KIF1A: variants seen among roughly 807,000 people sequenced by gnomAD.
The protein encoded by KIF1A is kinesin-like protein KIF1A.
In KIF1A, 46 loss-of-function variants were observed where a neutral mutation model predicts 227.3. The observed-to-expected ratio is 0.20, with a 90% CI of 0.16 to 0.26. The LOEUF is 0.26. Among genes scored for constraint, KIF1A ranks in the 10% least tolerant of loss-of-function variants. The probability of loss-of-function intolerance (pLI) is 1.00; values close to 1 mark genes in which losing one functional copy is unlikely to be tolerated. For missense variants in KIF1A, 1,683 were observed against 2,485.9 expected, an observed-to-expected ratio of 0.68 and a Z score of 6.87; for synonymous variants, 1,022 against 1,012.8, an observed-to-expected ratio of 1.01 and a Z score of -0.17.
Position 240,726,812 on chromosome 2 carries a change from C to A in KIF1A, c.4122+14G>T. The A allele has an allele frequency of 6.5e-7, 1 of 1,540,864 alleles. No individual in the cohort carries two copies. Among genetic ancestry groups the A allele is most frequent in the East Asian group, 2.3e-5 (1 of 44,208 alleles). On this transcript the variant is annotated intron_variant, in intron 39 of 48. Coordinates refer to ENST00000498729, the MANE Select transcript of KIF1A (RefSeq NM_001244008.2). This position sits in a 1 kb window ranked among gnomAD's most constrained non-coding sequence, Gnocchi z 5.2. The stretch of plus-strand genomic sequence containing the variant: ...GAGTGGTTTTGGTGGAGTGCCCTGG[C>A]ATAGGTGCCTTGCCTCGATATAAGC...
At chr2:240,774,391 A>ACCCCCCCCC (rs570956380) in intron 11 of KIF1A, 130 bp from the exon 12 acceptor site, 12 of 253,670 alleles carry the variant, frequency 4.7e-5, no homozygotes, top group African/African-American at 1.2e-4. Flanking sequence ...TCACAGGCTT[A>ACCCCCCCCC]CCCCCCCCCC....
intron 20 of KIF1A, among the ~76,000 whole-genome samples, chr2:240,763,603 C>T (rs2050795978): frequency 6.6e-6 from 1 of 152,228 alleles, no homozygotes; most frequent in South Asian, 2.1e-4. Flanking sequence ...TGCTGTGCTC[C>T]AGTGTCCCCG....
At chr2:240,743,771 T>G (rs1016665176) in intron 33 of KIF1A, among the ~76,000 whole-genome samples, 171 bp downstream of exon 33, 3 of 152,166 alleles carry the variant, frequency 2.0e-5, no homozygotes, top group Non-Finnish European at 4.4e-5. Flanking sequence ...CCCAGAGCTC[T>G]TAATTGCTCT....
intron 28 of KIF1A, among the ~76,000 whole-genome samples, chr2:240,750,061 T>C (rs1490403176): frequency 2.0e-5 from 3 of 152,170 alleles, no homozygotes; most frequent in African/African-American, 7.2e-5. Flanking sequence ...CTTGGGTCCA[T>C]ATGGGACTGC....
chr2:240,810,779 G>A (rs867703413), intron 1 of KIF1A, among the ~76,000 whole-genome samples: 1 of 152,194 alleles, frequency 6.6e-6, no homozygotes, highest in African/African-American at 2.4e-5. Context: ...ATGGTGCTGG[G>A]CGTGGAGGGG....
chr2:240,728,523 G>A (rs895298552), intron 38 of KIF1A: 3 of 652,566 alleles, frequency 4.6e-6, no homozygotes, highest in Non-Finnish European at 5.0e-6. Flanking sequence ...TTCGGCAGGT[G>A]CACGCCGGAT....
rs1301482451 is a variant in KIF1A, at chr2:240,752,146, A to C, written c.2859-1599T>G. Among the ~76,000 whole-genome samples, 2 of 151,876 alleles carry C rather than the reference A, an allele frequency of 1.3e-5. No homozygotes were observed. The highest frequency in any genetic ancestry group is 2.9e-5 in the Non-Finnish European group (2 of 67,938). On this transcript the variant is annotated intron_variant, in intron 27 of 48. Transcript: ENST00000498729. This position sits in a 1 kb window ranked among gnomAD's most constrained non-coding sequence, Gnocchi z 6.4. The stretch of plus-strand genomic sequence containing the variant: ...TGGCTTTTTGGGCCCTCTCCCCAGC[A>C]CAACGCCCCCTCTGAAGATGCCCCC...
intron 37 of KIF1A, chr2:240,737,392 C>T (rs2047464243): frequency 2.1e-6 from 1 of 474,752 alleles, no homozygotes; most frequent in Admixed American, 3.2e-5. Flanking sequence ...TGTCTCTCGG[C>T]CACAGTGAAC....
chr2:240,751,816 C>T (rs550189938), intron 27 of KIF1A, among the ~76,000 whole-genome samples: 1 of 152,176 alleles, frequency 6.6e-6, no homozygotes, highest in African/African-American at 2.4e-5. Context: ...TCCATGGATG[C>T]CCCGGGTGTC....
chr2:240,729,577 T>TA (rs2046385194), intron 38 of KIF1A, among the ~76,000 whole-genome samples: 2 of 152,142 alleles, frequency 1.3e-5, no homozygotes, highest in South Asian at 4.1e-4. Flanking sequence ...GGCTGCTCCT[T>TA]AGGAGCAAGT....
intron 6 of KIF1A, among the ~76,000 whole-genome samples, 154 bp from the exon 7 acceptor site, chr2:240,785,254 C>A (rs1001343930): frequency 1.3e-5 from 2 of 152,226 alleles, no homozygotes; most frequent in Non-Finnish European, 2.9e-5. Context: ...ATGGCGCCTC[C>A]TGCCAGGACT....
chr2:240,728,547 G>C (rs2046281144), intron 38 of KIF1A: 1 of 514,586 alleles, frequency 1.9e-6, no homozygotes, highest in Non-Finnish European at 3.6e-6. Context: ...ACGGCCCCCA[G>C]GCTCTCGCTG....
At position 240,810,104 on chromosome 2, in the gene KIF1A, G is replaced by A. The variant is rs184915107; in HGVS notation, c.-61+10018C>T. 2.1e-3 allele frequency among the ~76,000 whole-genome samples: 325 copies of A among 152,074 alleles called. 3 individuals are homozygous for A. The highest frequency in any genetic ancestry group is 7.4e-3 in the African/African-American group (307 of 41,460). On this transcript the variant is annotated intron_variant, in intron 1 of 48. Coordinates refer to ENST00000498729, the MANE Select transcript of KIF1A (RefSeq NM_001244008.2). ...GCTGGAATTACAGGTGCGAGCCACC[G>A]CACCCAGCCGGAAAGATTTCTTAAC...
intron 1 of KIF1A, among the ~76,000 whole-genome samples, chr2:240,816,289 T>C (rs1171940448): frequency 2.6e-5 from 4 of 151,314 alleles, no homozygotes; most frequent in Non-Finnish European, 5.9e-5. Context: ...TGTGTATGAG[T>C]GTCTGTGTGT....
chr2:240,786,016 C>T (rs1351368666), intron 6 of KIF1A, among the ~76,000 whole-genome samples: 3 of 152,186 alleles, frequency 2.0e-5, no homozygotes, highest in Non-Finnish European at 4.4e-5. Context: ...ATGTGGACCC[C>T]TGGGACTAGC....
At chr2:240,744,600 C>T (rs758054709) in intron 32 of KIF1A, among the ~76,000 whole-genome samples, 35 of 152,140 alleles carry the variant, frequency 2.3e-4, no homozygotes, top group Non-Finnish European at 4.3e-4. Flanking sequence ...CCCAGGCACA[C>T]GCAGAGGGGG....
intron 5 of KIF1A, 97 bp downstream of exon 5, chr2:240,787,154 C>A: frequency 1.0e-6 from 1 of 1,004,262 alleles, no homozygotes; most frequent in Non-Finnish European, 1.6e-6. Context: ...GGCGTGCAGA[C>A]CCGTGGTGGG....
intron 6 of KIF1A, 39 bp from the exon 7 acceptor site, chr2:240,785,139 T>C (rs1488481691): frequency 6.5e-7 from 1 of 1,531,066 alleles, no homozygotes. Context: ...CCCCTCGTCC[T>C]GTGGCCGGGT....
At chr2:240,813,351 C>T (rs1349629002) in intron 1 of KIF1A, among the ~76,000 whole-genome samples, 1 of 152,194 alleles carries the variant, frequency 6.6e-6, no homozygotes, top group Non-Finnish European at 1.5e-5. Context: ...TTTCCTGGGA[C>T]CTCAGCCCTG....
Sources: gnomAD v4.1 joint callset for allele counts (sites outside exome capture counted in the v4.1 genomes callset) on GRCh38, gnomAD v4.1.1 for gene constraint, Gnocchi (gnomAD v3.1) non-coding constraint, MANE v1.5 for transcripts, NCBI Gene and HGNC (gene_info 2026-07-23, HGNC 2026-07-21) for gene names.